Variants in STIL observed in about 807,000 individuals in gnomAD.
The protein encoded by STIL is SCL-interrupting locus protein.
STIL carries 55 observed loss-of-function variants against 110.1 expected under a neutral mutation model. That is an observed-to-expected ratio of 0.50 (90% CI 0.40 to 0.63). The LOEUF (loss-of-function observed/expected upper bound fraction) is 0.63, where lower values mean the gene tolerates loss of function less well. Among genes scored for constraint, STIL ranks in the 20% least tolerant of loss-of-function variants. STIL has a pLI of 0.00. For missense variants in STIL, 1,358 were observed against 1,530.0 expected (o/e 0.89, Z 1.87); for synonymous variants, 481 against 530.0 (o/e 0.91, Z 1.27).
Position 47,314,135 on chromosome 1 carries a change from G to A in STIL, c.-143C>T, listed in dbSNP as rs931735607. ...TCCGGCCCCGCCTCTGGGACGTTGG[G>A]GTCGCGGGAACTGAGGCGGCAAACA... On this transcript the variant is annotated 5_prime_UTR_variant, in exon 1 of 17. Transcript: ENST00000371877. 21 of 152,418 alleles carry A rather than the reference G, an allele frequency of 1.4e-4. No individual in the cohort carries two copies. The highest frequency in any genetic ancestry group is 7.2e-4 in the Admixed American group (11 of 15,302). The allele number at this position is 152,418 out of a possible 1,614,324, so 9.4% of individuals were successfully genotyped here. A position where few individuals can be genotyped will look rare whatever the true frequency, so the allele number is the denominator to read the frequency against.
In STIL at chr1:47,287,531, A is replaced by T. The variant is rs750730974; in HGVS notation, c.1133+20T>A. ...TAATTTTTAAAAAAACACACACATA[A>T]TAACAAAAAGATCTTTTACCTCTTA... On this transcript the variant is annotated intron_variant, in intron 10 of 16. Transcript: ENST00000371877. The T allele has an allele frequency of 1.5e-5, 23 of 1,516,448 alleles. 1 individual carries two copies. In the South Asian group the frequency reaches 2.4e-4, roughly 16 times the overall value. 93.9% of individuals were successfully genotyped at this position (1,516,448 alleles called of 1,614,324 possible).
chr1:47,273,138 T>C (rs556730578), intron 12 of STIL, among the ~76,000 whole-genome samples: 1 of 152,298 alleles, frequency 6.6e-6, no homozygotes, highest in African/African-American at 2.4e-5. Flanking sequence ...ATAGGACATA[T>C]AACTAACAAG....
intron 15 of STIL, 76 bp downstream of exon 15, chr1:47,262,827 C>G: frequency 7.1e-7 from 1 of 1,404,730 alleles, no homozygotes; most frequent in Non-Finnish European, 1.0e-6. Context: ...TCAGTTTAAA[C>G]CTAGGAAAAG....
intron 12 of STIL, among the ~76,000 whole-genome samples, chr1:47,275,358 C>T (rs1230094632): frequency 6.6e-6 from 1 of 151,720 alleles, no homozygotes; most frequent in East Asian, 1.9e-4. Flanking sequence ...CCTGTAATCC[C>T]AGCACTTTGG....
intron 14 of STIL, among the ~76,000 whole-genome samples, chr1:47,268,949 T>C (rs1418192421): frequency 6.6e-6 from 1 of 150,570 alleles, no homozygotes; most frequent in Non-Finnish European, 1.5e-5. Context: ...AACACGGAAT[T>C]AGCCGGGCAT....
At chr1:47,295,200 G>A (rs1036780137) in intron 7 of STIL, among the ~76,000 whole-genome samples, 2 of 152,044 alleles carry the variant, frequency 1.3e-5, no homozygotes, top group Admixed American at 6.6e-5. Context: ...GCCTCCAAAA[G>A]TGCTGGGATT....
intron 1 of STIL, among the ~76,000 whole-genome samples, chr1:47,311,633 G>C (rs1646129387): frequency 1.3e-5 from 2 of 152,274 alleles, no homozygotes; most frequent in South Asian, 2.1e-4. Flanking sequence ...TTCCATCTAA[G>C]TATTATTGAA....
rs1644793929 is a variant in STIL, at chr1:47,270,254, ATACACACACACAC to A, written c.2384-401_2384-389del. 3.3e-5 allele frequency among the ~76,000 whole-genome samples: 4 copies of A among 119,618 alleles called. No homozygotes were observed. The South Asian group carries it at 1.3e-3, about 39-fold the overall frequency. 78.5% of individuals were successfully genotyped at this position (119,618 alleles called of 152,430 possible). The stretch of plus-strand genomic sequence containing the variant: ...AAAAAAAAAAAAAATATATATATAT[ATACACACACACAC>A]ACACACACACACACACACACACACA... On this transcript the variant is annotated intron_variant, in intron 13 of 16. Transcript: ENST00000371877.
At chr1:47,302,786 T>C (rs1307520362) in intron 3 of STIL, among the ~76,000 whole-genome samples, 1 of 152,184 alleles carries the variant, frequency 6.6e-6, no homozygotes, top group Non-Finnish European at 1.5e-5. Context: ...TTTCTTCCTA[T>C]ACATACGTAT....
chr1:47,293,545 C>A lies in STIL; in HGVS notation c.786-1G>T, dbSNP rs758191017. The A allele has an allele frequency of 6.2e-7, 1 of 1,611,378 alleles. No individual in the cohort carries two copies. The highest frequency in any genetic ancestry group is 8.5e-7 in the Non-Finnish European group (1 of 1,178,066). On this transcript the variant is annotated splice_acceptor_variant, in intron 7 of 16. Transcript: ENST00000371877. LOFTEE classifies it high-confidence loss of function. ...GATATGTGTAATTCCAGACAGCCAA[C>A]TAAAAGAAAAAGATAGAAATTAAAA...
Position 47,251,440 on chromosome 1 carries a change from C to G in STIL, c.3563G>C (p.Gly1188Ala). The G allele has an allele frequency of 6.2e-7, 1 of 1,614,134 alleles. No individual in the cohort carries two copies. Among genetic ancestry groups the G allele is most frequent in the Non-Finnish European group, 8.5e-7 (1 of 1,180,024 alleles). Residue 1188 changes from glycine to alanine, a missense_variant, in exon 17 of 17, where the codon GGG becomes GCG. By Grantham distance (60) the Gly-to-Ala change is moderately conservative. Coordinates refer to ENST00000371877, the MANE Select transcript of STIL (RefSeq NM_001048166.1). ...IINCSNCESV[G>A]TNADTPVLRN... ...CAATACTGGCGTATCTGCGTTGGTCCCCACAGATTCACAGTTAGAACAATT... is the reference window on the plus strand; with the variant it reads ...CAATACTGGCGTATCTGCGTTGGTCGCCACAGATTCACAGTTAGAACAATT...
At chr1:47,254,457 T>G (rs1274130119) in intron 16 of STIL, among the ~76,000 whole-genome samples, 1 of 152,100 alleles carries the variant, frequency 6.6e-6, no homozygotes, top group African/African-American at 2.4e-5. Flanking sequence ...TTAATGTAAA[T>G]AATTTGATAA....
At chr1:47,253,641 T>C (rs777311418) in intron 16 of STIL, among the ~76,000 whole-genome samples, 1 of 152,218 alleles carries the variant, frequency 6.6e-6, no homozygotes, top group African/African-American at 2.4e-5. Flanking sequence ...TCTTTTACTG[T>C]ACTATATTCA....
At chr1:47,253,519 T>A (rs958852160) in intron 16 of STIL, among the ~76,000 whole-genome samples, 1 of 152,172 alleles carries the variant, frequency 6.6e-6, no homozygotes, top group Non-Finnish European at 1.5e-5. Context: ...ATATTTACTC[T>A]CAGTTGAGAA....
Position 47,295,864 on chromosome 1 carries a change from T to C in STIL, c.702-16A>G. On this transcript the variant is annotated splice_polypyrimidine_tract_variant and intron_variant, in intron 6 of 16. Coordinates refer to ENST00000371877, the MANE Select transcript of STIL (RefSeq NM_001048166.1). ...GGTAAGATATCTAAACAGAAGACATTCATGTGAAAATAACTGAAATTATGT... is the reference window on the plus strand; with the variant it reads ...GGTAAGATATCTAAACAGAAGACATCCATGTGAAAATAACTGAAATTATGT... The C allele has an allele frequency of 1.3e-6, 2 of 1,579,052 alleles. No individual in the cohort carries two copies. Among genetic ancestry groups the C allele is most frequent in the Non-Finnish European group, 1.7e-6 (2 of 1,148,928 alleles).
At position 47,282,474 on chromosome 1, in the gene STIL, G is replaced by A. The variant is rs746687232; in HGVS notation, c.1134-15C>T. On this transcript the variant is annotated splice_polypyrimidine_tract_variant and intron_variant, in intron 10 of 16. Coordinates refer to ENST00000371877, the MANE Select transcript of STIL (RefSeq NM_001048166.1). Reference sequence around the variant, plus strand: ...TTTGGGAAGACCTAAAGAATAGAAGGGGAGACCAGAAAAGCCTTTGGTAAT... The same window carrying A: ...TTTGGGAAGACCTAAAGAATAGAAGAGGAGACCAGAAAAGCCTTTGGTAAT... 11 of 1,509,356 alleles carry A rather than the reference G, an allele frequency of 7.3e-6. No homozygotes were observed. The highest frequency in any genetic ancestry group is 9.2e-6 in the Non-Finnish European group (10 of 1,086,894). 93.5% of individuals were successfully genotyped at this position (1,509,356 alleles called of 1,614,324 possible).
Position 47,292,213 on chromosome 1 carries a change from C to T in STIL, c.872+1245G>A, listed in dbSNP as rs1054337992. Among the ~76,000 whole-genome samples, 5 of 151,752 alleles carry T rather than the reference C, an allele frequency of 3.3e-5. 1 individual carries two copies. Among genetic ancestry groups the T allele is most frequent in the Admixed American group, 2.6e-4 (4 of 15,178 alleles). On this transcript the variant is annotated intron_variant, in intron 8 of 16. Transcript: ENST00000371877. ...TTACTCTGATCCCCAGTACTGTGAA[C>T]ATAATAGATATAATAGGTGCTCAAT...
intron 10 of STIL, among the ~76,000 whole-genome samples, chr1:47,285,755 G>A (rs1350552460): frequency 6.6e-6 from 1 of 150,662 alleles, no homozygotes; most frequent in East Asian, 2.0e-4. Context: ...CACCGGGCCT[G>A]GCCGAGAATA....
At chr1:47,281,782 A>C (rs971595286) in intron 11 of STIL, among the ~76,000 whole-genome samples, 1 of 152,174 alleles carries the variant, frequency 6.6e-6, no homozygotes, top group Non-Finnish European at 1.5e-5. Context: ...AGCTTTAAAA[A>C]ATCCTTCCCA....
Sources: gnomAD v4.1 joint callset for allele counts (sites outside exome capture counted in the v4.1 genomes callset) on GRCh38, gnomAD v4.1.1 for gene constraint, MANE v1.5 for transcripts, NCBI Gene and HGNC (gene_info 2026-07-23, HGNC 2026-07-21) for gene names.